The following FAM216A variants were observed in gnomAD, a reference collection of about 807,000 sequenced individuals.
FAM216A encodes protein FAM216A.
FAM216A carries 26 observed loss-of-function variants against 37.6 expected under a neutral mutation model. The observed-to-expected ratio is 0.69, with a 90% CI of 0.51 to 0.96. The LOEUF (loss-of-function observed/expected upper bound fraction) is 0.96, where lower values mean the gene tolerates loss of function less well. Among genes scored for constraint, FAM216A ranks in the 40% least tolerant of loss-of-function variants. FAM216A has a pLI of 0.00. For missense variants in FAM216A, 326 were observed against 339.3 expected (o/e 0.96, Z 0.31); for synonymous variants, 110 against 121.7 (o/e 0.90, Z 0.64).
intron 6 of FAM216A, 22 bp downstream of exon 6, chr12:110,487,965 T>C (rs2062786326): frequency 7.1e-7 from 1 of 1,416,284 alleles, no homozygotes; most frequent in Non-Finnish European, 9.9e-7. Flanking sequence ...AATTTAACAA[T>C]ATTCATTTTT....
intron 6 of FAM216A, among the ~76,000 whole-genome samples, chr12:110,489,659 AG>A (rs939119803): frequency 2.2e-4 from 34 of 151,508 alleles, no homozygotes; most frequent in Middle Eastern, 3.4e-3. Context: ...CGGAAACTGT[AG>A]GGGGGGGAGT....
chr12:110,473,941 G>A (rs1592975650), intron 2 of FAM216A, among the ~76,000 whole-genome samples: 1 of 152,084 alleles, frequency 6.6e-6, no homozygotes, highest in African/African-American at 2.4e-5. Flanking sequence ...CTGTAGGAGT[G>A]TGTGTGTATG....
chr12:110,479,004 C>T (rs2062730978), intron 2 of FAM216A, among the ~76,000 whole-genome samples: 1 of 151,668 alleles, frequency 6.6e-6, no homozygotes, highest in Non-Finnish European at 1.5e-5. Flanking sequence ...CTGGCTAACA[C>T]GGTGAAACCC....
At chr12:110,472,182 G>C (rs981305022) in intron 1 of FAM216A, among the ~76,000 whole-genome samples, 2 of 151,008 alleles carry the variant, frequency 1.3e-5, no homozygotes, top group Admixed American at 6.6e-5. Context: ...AGTGAACGGA[G>C]ATCACGCCAT....
At chr12:110,469,859 G>A (rs988805219) in intron 1 of FAM216A, among the ~76,000 whole-genome samples, 19 of 152,010 alleles carry the variant, frequency 1.2e-4, no homozygotes, top group African/African-American at 4.6e-4. Flanking sequence ...AATATCCGAG[G>A]TGCCTTGATC....
chr12:110,488,836 A>T (rs1389838269), intron 6 of FAM216A, among the ~76,000 whole-genome samples: 1 of 152,222 alleles, frequency 6.6e-6, no homozygotes, highest in Admixed American at 6.5e-5. Flanking sequence ...TAAATAATAG[A>T]ACAATTTTAT....
At chr12:110,486,888 T>C (rs907513486) in intron 5 of FAM216A, 171 bp downstream of exon 5, 22 of 613,462 alleles carry the variant, frequency 3.6e-5, no homozygotes, top group South Asian at 2.1e-4. Context: ...CCCAAGTAGC[T>C]AGGGCTAAAG....
chr12:110,473,193 T>A, intron 2 of FAM216A, 75 bp downstream of exon 2: 1 of 761,856 alleles, frequency 1.3e-6, no homozygotes, highest in Non-Finnish European at 2.1e-6. Flanking sequence ...TGTAACTACT[T>A]ACACAATAGA....
At chr12:110,486,813 G>C in intron 5 of FAM216A, 96 bp downstream of exon 5, 2 of 1,110,490 alleles carry the variant, frequency 1.8e-6, no homozygotes, top group Middle Eastern at 2.5e-4. Context: ...CTGGAGTGTA[G>C]TGGTGTGATA....
chr12:110,485,610 AAAAT>A lies in FAM216A; in HGVS notation c.306+419_306+422del, dbSNP rs377629204. Among the ~76,000 whole-genome samples the A allele has an allele frequency of 1.1e-4, 16 of 152,326 alleles. No homozygotes were observed. The East Asian group carries it at 1.9e-3, about 18-fold the overall frequency. On this transcript the variant is annotated intron_variant, in intron 3 of 6. Transcript: ENST00000377673. ...CTTGCAAGTAGGATTTAAAAAAAGA[AAAAT>A]AAATAAAAGAAAATGGCAATAAGGA...
intron 2 of FAM216A, among the ~76,000 whole-genome samples, chr12:110,484,157 C>T (rs1037688832): frequency 3.3e-5 from 5 of 150,970 alleles, no homozygotes; most frequent in African/African-American, 9.7e-5. Flanking sequence ...GGCCGGGCGC[C>T]GTGGCTCACG....
upstream of FAM216A, chr12:110,468,608 T>A (rs1385699532): frequency 1.3e-6 from 2 of 1,537,090 alleles, no homozygotes; most frequent in African/African-American, 2.7e-5. Context: ...AATACTGAAG[T>A]GGAAGGCACC....
intron 2 of FAM216A, among the ~76,000 whole-genome samples, chr12:110,474,270 G>A (rs565881447): frequency 1.3e-5 from 2 of 152,058 alleles, no homozygotes; most frequent in African/African-American, 4.8e-5. Flanking sequence ...CAGATGTGGA[G>A]GGAAATAAAG....
chr12:110,480,088 C>G (rs902506538), intron 2 of FAM216A, among the ~76,000 whole-genome samples: 3 of 150,280 alleles, frequency 2.0e-5, no homozygotes, highest in Non-Finnish European at 3.0e-5. Flanking sequence ...TGCAATGGCT[C>G]GATCTCGGCT....
chr12:110,485,189 C>A lies in FAM216A; in HGVS notation c.296C>A (p.Ser99Tyr), dbSNP rs2062770735. ...IHLSKSMMEA[S>Y]FFKHPDLTTG... ...CTCTCTAAATCAATGATGGAGGCGT[C>A]CTTTTTCAAGGTATGCTAACAGGGA... is the stretch of plus-strand genomic sequence containing the variant. Residue 99 changes from serine to tyrosine, a missense_variant, in exon 3 of 7, where the codon TCC becomes TAC. Ser to Tyr is a moderately radical substitution (Grantham distance 144). Coordinates refer to ENST00000377673, the MANE Select transcript of FAM216A (RefSeq NM_013300.3). 1.2e-6 allele frequency: 2 copies of A among 1,607,674 alleles called. No homozygotes were observed. The highest frequency in any genetic ancestry group is 1.7e-5 in the Admixed American group (1 of 57,860).
At chr12:110,471,197 C>G (rs191948347) in intron 1 of FAM216A, among the ~76,000 whole-genome samples, 1 of 151,944 alleles carries the variant, frequency 6.6e-6, no homozygotes, top group Non-Finnish European at 1.5e-5. Context: ...CAGGTTCAAG[C>G]GATTCTCCTG....
upstream of FAM216A, chr12:110,468,656 C>T (rs1178150275): frequency 6.5e-7 from 1 of 1,536,866 alleles, no homozygotes; most frequent in Non-Finnish European, 8.7e-7. Flanking sequence ...CCTCCTGTGA[C>T]GCACTGCTTC....
At chr12:110,474,627 G>A (rs2062705036) in intron 2 of FAM216A, among the ~76,000 whole-genome samples, 1 of 145,288 alleles carries the variant, frequency 6.9e-6, no homozygotes. Context: ...AGGAGGCGGA[G>A]GTTGCAGTGA....
chr12:110,485,226 A>G (rs761641882), intron 3 of FAM216A, 27 bp downstream of exon 3: 1 of 1,586,430 alleles, frequency 6.3e-7, no homozygotes, highest in Non-Finnish European at 8.5e-7. Context: ...ATATTTAAAT[A>G]CCAATACTCT....
Sources: gnomAD v4.1 joint callset for allele counts (sites outside exome capture counted in the v4.1 genomes callset) on GRCh38, gnomAD v4.1.1 for gene constraint, MANE v1.5 for transcripts, NCBI Gene and HGNC (gene_info 2026-07-23, HGNC 2026-07-21) for gene names.